The following XPO4 variants were observed in gnomAD, a reference collection of about 807,000 sequenced individuals.
XPO4 encodes the protein exportin-4.
XPO4 carries 39 observed loss-of-function variants against 143.0 expected under a neutral mutation model. The observed-to-expected ratio is 0.27, with a 90% CI of 0.21 to 0.36. The LOEUF (loss-of-function observed/expected upper bound fraction) is 0.36. Among genes scored for constraint, XPO4 ranks in the 10% least tolerant of loss-of-function variants. The probability of loss-of-function intolerance (pLI) is 1.00; values close to 1 mark genes in which losing one functional copy is unlikely to be tolerated. For missense variants in XPO4, 907 were observed against 1,348.0 expected (o/e 0.67, Z 5.12); for synonymous variants, 439 against 474.0 (o/e 0.93, Z 0.96).
chr13:20,843,806 G>A lies in XPO4; in HGVS notation c.537C>T (p.Ser179=). ...TTTTGCAGTTACCATGGAATTCCATGCTCAATCCAATGTTGCTAGTTTTAC... is the reference window on the plus strand; with the variant it reads ...TTTTGCAGTTACCATGGAATTCCATACTCAATCCAATGTTGCTAGTTTTAC... The part of the protein sequence containing the change: ...SSSKTSNIGL[S]MEFHGNCKRV... The change falls in exon 5 of 23, where the codon AGC becomes AGT. Residue 179 remains serine, a synonymous_variant. Transcript: ENST00000255305. 1 of 1,613,314 alleles carries A rather than the reference G, an allele frequency of 6.2e-7. No homozygotes were observed. The highest frequency in any genetic ancestry group is 8.5e-7 in the Non-Finnish European group (1 of 1,179,760).
At chr13:20,843,183 T>C (rs1422154789) in intron 5 of XPO4, 135 bp from the exon 6 acceptor site, 1 of 837,530 alleles carries the variant, frequency 1.2e-6, no homozygotes, top group Non-Finnish European at 1.8e-6. Context: ...GTGTTCCATT[T>C]TTAGGCCTCT....
In XPO4 at chr13:20,845,412, A is replaced by G. The variant is rs1265157018; in HGVS notation, c.457-1526T>C. On this transcript the variant is annotated intron_variant, in intron 4 of 22. Transcript: ENST00000255305. ...AATGTTACTGGTTTGGCATAAACAC[A>G]CACATTTTGTAATTTTACTTCAAAA... Among the ~76,000 whole-genome samples the G allele has an allele frequency of 3.9e-5, 6 of 152,212 alleles. No homozygotes were observed. In the East Asian group the frequency reaches 7.7e-4, roughly 20 times the overall value.
At chr13:20,856,390 C>G in intron 3 of XPO4, 1 of 984,578 alleles carries the variant, frequency 1.0e-6, no homozygotes. Context: ...AGCACCCATC[C>G]CAAGTGGAGG....
chr13:20,810,409 A>G (rs1375343709), intron 9 of XPO4, among the ~76,000 whole-genome samples: 1 of 152,220 alleles, frequency 6.6e-6, no homozygotes, highest in Non-Finnish European at 1.5e-5. Context: ...AAAAAAGAAC[A>G]GCAAATTCCA....
chr13:20,866,175 G>A (rs1203265841), intron 2 of XPO4: 1 of 985,174 alleles, frequency 1.0e-6, no homozygotes, highest in African/African-American at 1.7e-5. Context: ...GACTTCTGAA[G>A]TGAAGAAGTC....
intron 8 of XPO4, 65 bp downstream of exon 8, chr13:20,822,067 T>C (rs1399938440): frequency 1.3e-6 from 2 of 1,515,286 alleles, no homozygotes; most frequent in Non-Finnish European, 1.8e-6. Flanking sequence ...GTTTCTTTTT[T>C]TCTTCTACTG....
chr13:20,807,164 G>A lies in XPO4; in HGVS notation c.1817+293C>T, dbSNP rs1175854867. Among the ~76,000 whole-genome samples the A allele has an allele frequency of 2.0e-5, 3 of 152,140 alleles. No homozygotes were observed. The East Asian group carries it at 5.8e-4, about 29-fold the overall frequency. On this transcript the variant is annotated intron_variant, in intron 13 of 22. Transcript: ENST00000255305. ...CATCAGTATTGCTCTCTGATGGACA[G>A]GCGTTATGTTCCTAACTACATTCAA...
At position 20,781,982 on chromosome 13, in the gene XPO4, A is replaced by G. The variant is rs2059148800; in HGVS notation, c.*1740T>C. 6.6e-6 allele frequency: 1 copy of G among 152,202 alleles called. No homozygotes were observed. The allele number at this position is 152,202 out of a possible 1,614,324, so 9.4% of individuals were successfully genotyped here. A position where few individuals can be genotyped will look rare whatever the true frequency, so the allele number is the denominator to read the frequency against. ...GATGACTGATATTAATTTCCTTCCT[A>G]GCAGTCTTTTCAAGATGTTTTTGCT... On this transcript the variant is annotated 3_prime_UTR_variant, in exon 23 of 23. Transcript: ENST00000255305.
chr13:20,789,392 C>G (rs2141484542), intron 19 of XPO4, among the ~76,000 whole-genome samples: 1 of 139,646 alleles, frequency 7.2e-6, no homozygotes, highest in South Asian at 2.4e-4. Flanking sequence ...TTCTCAGCCT[C>G]TACTTTTTTT....
At chr13:20,840,303 G>A (rs1016613438) in intron 6 of XPO4, among the ~76,000 whole-genome samples, 2 of 151,948 alleles carry the variant, frequency 1.3e-5, no homozygotes, top group African/African-American at 4.8e-5. Context: ...AACCTTCCAG[G>A]CTCAAGCAAT....
At chr13:20,888,189 A>AG (rs1024234763) in intron 1 of XPO4, among the ~76,000 whole-genome samples, 2 of 151,798 alleles carry the variant, frequency 1.3e-5, no homozygotes, top group African/African-American at 2.4e-5. Flanking sequence ...AAAAAAAAAA[A>AG]AAAAGACTAA....
At chr13:20,859,797 AAG>A (rs2060180036) in intron 3 of XPO4, 1 of 916,070 alleles carries the variant, frequency 1.1e-6, no homozygotes, top group South Asian at 5.0e-5. Flanking sequence ...AAAAAAAAAA[AAG>A]AACAAATAAA....
chr13:20,839,770 G>A (rs959747819), intron 6 of XPO4, among the ~76,000 whole-genome samples: 1 of 152,120 alleles, frequency 6.6e-6, no homozygotes, highest in African/African-American at 2.4e-5. Flanking sequence ...ATCAACCTGA[G>A]GTCAGGAGTT....
In XPO4 at chr13:20,796,967, T is replaced by C. The variant is rs748586216; in HGVS notation, c.2413A>G (p.Ile805Val). 5 of 1,613,820 alleles carry C rather than the reference T, an allele frequency of 3.1e-6. No individual in the cohort carries two copies. Among genetic ancestry groups the C allele is most frequent in the South Asian group, 1.1e-5 (1 of 91,012 alleles). The change falls in exon 17 of 23, where the codon ATC becomes GTC. Residue 805 changes from isoleucine to valine, a missense_variant. By Grantham distance (29) the Ile-to-Val change is conservative (BLOSUM62 3). Transcript: ENST00000255305. ...CACAGGGCCTCTAGTGTGGCAGTGA[T>C]TTCCTGCTTGACTTCCTCTTGCTGA... ...MCQQEEVKQE[I>V]TATLEALCGI...
At chr13:20,810,134 T>C (rs1337181886) in intron 9 of XPO4, among the ~76,000 whole-genome samples, 167 bp from the exon 10 acceptor site, 1 of 143,430 alleles carries the variant, frequency 7.0e-6, no homozygotes, top group Non-Finnish European at 1.5e-5. Context: ...TTCAAGTAAG[T>C]CTTAGGCAAT....
At chr13:20,810,920 C>T (rs945535639) in intron 9 of XPO4, among the ~76,000 whole-genome samples, 1 of 152,166 alleles carries the variant, frequency 6.6e-6, no homozygotes, top group African/African-American at 2.4e-5. Flanking sequence ...AACTACACCA[C>T]TGAGAAAGAA....
At chr13:20,799,375 CT>C in intron 15 of XPO4, 36 bp from the exon 16 acceptor site, 1 of 1,557,572 alleles carries the variant, frequency 6.4e-7, no homozygotes. Context: ...AGATGTATTA[CT>C]ATGTATATAC....
chr13:20,861,151 T>C (rs1170812303), intron 3 of XPO4, among the ~76,000 whole-genome samples: 1 of 152,140 alleles, frequency 6.6e-6, no homozygotes, highest in Non-Finnish European at 1.5e-5. Context: ...TTAATGACTT[T>C]GGAAATGAAC....
intron 9 of XPO4, among the ~76,000 whole-genome samples, chr13:20,813,829 A>G (rs954308767): frequency 6.6e-6 from 1 of 152,090 alleles, no homozygotes; most frequent in African/African-American, 2.4e-5. Context: ...GTGGTGGAAC[A>G]TGCCTGTAGT....
Sources: allele counts gnomAD v4.1 joint callset (sites outside exome capture counted in the v4.1 genomes callset), GRCh38; gene constraint gnomAD v4.1.1; transcripts MANE v1.5; gene names NCBI Gene and HGNC (gene_info 2026-07-23, HGNC 2026-07-21).